USP6: variants seen among roughly 807,000 people sequenced by gnomAD.
USP6 encodes the protein ubiquitin carboxyl-terminal hydrolase 6.
A neutral mutation model predicts 175.7 loss-of-function variants in USP6; 128 were observed. That is an observed-to-expected ratio of 0.73 (90% CI 0.63 to 0.84). The LOEUF (loss-of-function observed/expected upper bound fraction) is 0.84, where lower values mean the gene tolerates loss of function less well. USP6 is among the 40% of genes least tolerant of loss of function. USP6 has a pLI of 0.00. For synonymous variants in USP6, 562 were observed against 630.6 expected, an observed-to-expected ratio of 0.89 and a Z score of 1.63; for missense variants, 1,498 against 1,760.3, an observed-to-expected ratio of 0.85 and a Z score of 2.67.
At chr17:5,126,541 C>A (rs1370507334) in intron 6 of USP6, among the ~76,000 whole-genome samples, 2 of 152,104 alleles carry the variant, frequency 1.3e-5, no homozygotes, top group African/African-American at 4.8e-5. Flanking sequence ...GTAACTCGAC[C>A]TCCTACTCAT....
chr17:5,174,178 T>C lies in USP6; in HGVS notation c.*1200T>C, dbSNP rs140945639. Reference sequence around the variant, plus strand: ...AAGTTATGTTTCTTTGCTTACTTCATTTTTTCCCTCTAATTATTTAAGATT... The same window carrying C: ...AAGTTATGTTTCTTTGCTTACTTCACTTTTTCCCTCTAATTATTTAAGATT... On this transcript the variant is annotated 3_prime_UTR_variant, in exon 38 of 38. Transcript: ENST00000574788. 109 of 195,618 alleles carry C rather than the reference T, an allele frequency of 5.6e-4. No individual in the cohort carries two copies. Among genetic ancestry groups the C allele is most frequent in the African/African-American group, 2.4e-3 (105 of 43,434 alleles). 12.1% of individuals were successfully genotyped at this position (195,618 alleles called of 1,614,324 possible). A position where few individuals can be genotyped will look rare whatever the true frequency, so the allele number is the denominator to read the frequency against.
In USP6 at chr17:5,138,162, C is replaced by T. The variant is rs767799476; in HGVS notation, c.967C>T (p.Leu323=). ...KTSRCGLWAR[L]RNQFFDTWAM... ...ATCCAGGTGTGGCCTGTGGGCACGT[C>T]TGCGGAACCAATTCTTCGATACCTG... The change falls in exon 21 of 38, where the codon CTG becomes TTG. Residue 323 remains leucine, a synonymous_variant. Coordinates refer to ENST00000574788, the MANE Select transcript of USP6 (RefSeq NM_001304284.2). The T allele has an allele frequency of 1.6e-5, 26 of 1,614,000 alleles. No individual in the cohort carries two copies. In the East Asian group the frequency reaches 2.9e-4, roughly 18 times the overall value.
At chr17:5,133,320 G>C (rs2073137264) in intron 13 of USP6, 123 bp from the exon 14 acceptor site, 1 of 1,122,922 alleles carries the variant, frequency 8.9e-7, no homozygotes, top group Non-Finnish European at 1.3e-6. Flanking sequence ...CCCTGTCCCA[G>C]CTTGATCTCG....
Position 5,148,630 on chromosome 17 carries a change from A to G in USP6, c.2506A>G (p.Ile836Val), listed in dbSNP as rs1390710719. 3.1e-6 allele frequency: 5 copies of G among 1,613,860 alleles called. No individual in the cohort carries two copies. In the Admixed American group the frequency reaches 6.7e-5, roughly 22 times the overall value. Residue 836 changes from isoleucine to valine, a missense_variant, in exon 30 of 38, where the codon ATC (isoleucine) becomes GTC (valine). Ile to Val is a conservative substitution (Grantham distance 29). Transcript: ENST00000574788. ...TGGGGACCTACCCAAACCAATATTC[A>G]TCCCCAATGGAATGCCAAACACTGT... The part of the protein sequence containing the change: ...TNGDLPKPIF[I>V]PNGMPNTVVP...
At chr17:5,127,891 T>A (rs1221884446) in intron 7 of USP6, among the ~76,000 whole-genome samples, 1 of 152,228 alleles carries the variant, frequency 6.6e-6, no homozygotes, top group East Asian at 1.9e-4. Flanking sequence ...CTGCACATGT[T>A]CAGTAGAGAC....
rs781698606 is a variant in USP6 at position 5,130,566 on chromosome 17, C to T, written c.73-36C>T. Reference sequence around the variant, plus strand: ...ACCCCCAGGCCCTTGCACCCTTTACCTTGGACCCCTCACCAAGGCTCCCTC... The same window carrying T: ...ACCCCCAGGCCCTTGCACCCTTTACTTTGGACCCCTCACCAAGGCTCCCTC... On this transcript the variant is annotated intron_variant, in intron 10 of 37. Coordinates refer to ENST00000574788, the MANE Select transcript of USP6 (RefSeq NM_001304284.2). 3.1e-6 allele frequency: 5 copies of T among 1,612,794 alleles called. No homozygotes were observed. The Admixed American group carries it at 5.0e-5, about 16-fold the overall frequency.
rs751876813 is a variant in USP6, at chr17:5,148,765, A to T, written c.2641A>T (p.Met881Leu). Residue 881 changes from methionine to leucine, a missense_variant and splice_region_variant, in exon 30 of 38, where the codon ATG becomes TTG. Physicochemically the swap from Met to Leu is conservative, Grantham distance 15. This residue lies in a region of USP6 where 1,217 missense variants were observed against 1,500.8 expected (regional missense o/e 0.81). Transcript: ENST00000574788. ...TGYIIAVHRKMMRTELYFLSP... is the reference protein window; with the variant it reads ...TGYIIAVHRKLMRTELYFLSP... ...TTACATCATTGCAGTCCACCGAAAA[A>T]TGGTTAGTTAAATGTTAGGCAACTC... is the stretch of plus-strand genomic sequence containing the variant. 2 of 1,611,472 alleles carry T rather than the reference A, an allele frequency of 1.2e-6. No homozygotes were observed. Among genetic ancestry groups the T allele is most frequent in the Non-Finnish European group, 1.7e-6 (2 of 1,177,852 alleles).
chr17:5,154,990 C>G (rs2073850730), intron 30 of USP6, among the ~76,000 whole-genome samples: 1 of 152,220 alleles, frequency 6.6e-6, no homozygotes, highest in Non-Finnish European at 1.5e-5. Flanking sequence ...CTTGCCTCAG[C>G]CTCCCAAAGT....
intron 30 of USP6, among the ~76,000 whole-genome samples, chr17:5,150,037 T>A (rs991833314): frequency 7.2e-5 from 11 of 152,162 alleles, no homozygotes; most frequent in African/African-American, 2.4e-4. Context: ...CTCATGCCTG[T>A]AATCCCAGCA....
intron 25 of USP6, among the ~76,000 whole-genome samples, chr17:5,142,994 C>G (rs2073492458): frequency 6.6e-6 from 1 of 152,232 alleles, no homozygotes; most frequent in South Asian, 2.1e-4. Context: ...AATTCAAGAC[C>G]AGCTTGGGCA....
intron 13 of USP6, among the ~76,000 whole-genome samples, 197 bp from the exon 14 acceptor site, chr17:5,133,246 A>G (rs1020956768): frequency 6.6e-6 from 1 of 151,978 alleles, no homozygotes; most frequent in African/African-American, 2.4e-5. Context: ...GAAGGAAGGA[A>G]AAGGTTCGGA....
At chr17:5,170,010 A>T (rs886371308) in intron 35 of USP6, among the ~76,000 whole-genome samples, 8 of 152,238 alleles carry the variant, frequency 5.3e-5, no homozygotes, top group African/African-American at 1.9e-4. Context: ...GGCTATAACT[A>T]AAAGGTTTAA....
At position 5,117,345 on chromosome 17, in the gene USP6, C is replaced by A. The variant is rs541495370; in HGVS notation, c.-1928+605C>A. ...AGCCTGACCAACATGGTGAAACCCC[C>A]TCTCTACAAAAAATACAAAAATTAG... On this transcript the variant is annotated intron_variant, in intron 1 of 37. Coordinates refer to ENST00000574788, the MANE Select transcript of USP6 (RefSeq NM_001304284.2). Among the ~76,000 whole-genome samples, 3 of 151,940 alleles carry A rather than the reference C, an allele frequency of 2.0e-5. No homozygotes were observed. The East Asian group carries it at 5.8e-4, about 29-fold the overall frequency.
At chr17:5,157,698 C>G (rs1453581526) in intron 31 of USP6, among the ~76,000 whole-genome samples, 1 of 152,106 alleles carries the variant, frequency 6.6e-6, no homozygotes, top group African/African-American at 2.4e-5. Context: ...GTGGCATGAT[C>G]TCAGCTCACT....
Position 5,144,838 on chromosome 17 carries a change from G to C in USP6, c.1967G>C (p.Arg656Pro). The C allele has an allele frequency of 1.2e-6, 2 of 1,605,068 alleles. No homozygotes were observed. Among genetic ancestry groups the C allele is most frequent in the Non-Finnish European group, 1.7e-6 (2 of 1,173,068 alleles). Residue 656 changes from arginine (R) to proline (P), a missense_variant, in exon 26 of 38, where the codon CGA (arginine) becomes CCA (proline). Around this residue, in one of 2 missense-constraint regions of USP6, gnomAD observed 1,217 missense variants for 1,500.8 expected, o/e 0.81. Coordinates refer to ENST00000574788, the MANE Select transcript of USP6 (RefSeq NM_001304284.2). ...GTGGAACTGAAGGACAGTGATGGCCGACCAGACTGGGAAGTAGCTGCAGAG... is the reference window on the plus strand; with the variant it reads ...GTGGAACTGAAGGACAGTGATGGCCCACCAGACTGGGAAGTAGCTGCAGAG... Reference protein sequence around the residue: ...PYVELKDSDGRPDWEVAAEAW... With the variant: ...PYVELKDSDGPPDWEVAAEAW...
chr17:5,166,355 G>A (rs2074095722), intron 33 of USP6, among the ~76,000 whole-genome samples: 1 of 152,212 alleles, frequency 6.6e-6, no homozygotes, highest in African/African-American at 2.4e-5. Flanking sequence ...AACCTTGCTA[G>A]TTTATAACAG....
At chr17:5,152,352 CAG>C (rs2073792850) in intron 30 of USP6, among the ~76,000 whole-genome samples, 4 of 151,988 alleles carry the variant, frequency 2.6e-5, no homozygotes, top group Admixed American at 2.6e-4. Flanking sequence ...AACAGACTGA[CAG>C]GGTTGCTAAG....
rs1477386261 is a variant in USP6, at chr17:5,139,436, C to T, written c.1260C>T (p.Val420=). 6.2e-7 allele frequency: 1 copy of T among 1,613,124 alleles called. No individual in the cohort carries two copies. Among genetic ancestry groups the T allele is most frequent in the South Asian group, 1.1e-5 (1 of 91,030 alleles). Residue 420 remains valine, a synonymous_variant, in exon 22 of 38, where the codon GTC becomes GTT. Coordinates refer to ENST00000574788, the MANE Select transcript of USP6 (RefSeq NM_001304284.2). ...RFSTPCPGGA[V]REDTYPVGTQ... ...CCACGCCCTGTCCTGGTGGGGCTGT[C>T]CGGGAAGACACGTACCCTGTGGGCA...
At chr17:5,154,655 C>G (rs538354731) in intron 30 of USP6, among the ~76,000 whole-genome samples, 1 of 152,024 alleles carries the variant, frequency 6.6e-6, no homozygotes, top group Non-Finnish European at 1.5e-5. Context: ...TTGGGAATTG[C>G]CACTCCAACA....
Sources: gnomAD v4.1 joint callset for allele counts (sites outside exome capture counted in the v4.1 genomes callset) on GRCh38, gnomAD v4.1.1 for gene constraint, gnomAD v4.1.1 regional missense constraint, MANE v1.5 for transcripts, NCBI Gene and HGNC (gene_info 2026-07-23, HGNC 2026-07-21) for gene names.